Variants in CEP63 observed in about 807,000 individuals in gnomAD.
CEP63 encodes the protein centrosomal protein of 63 kDa.
Under a neutral mutation model 89.1 loss-of-function variants are expected in CEP63, and 84 were observed. The observed-to-expected ratio is 0.94, with a 90% CI of 0.79 to 1.13. CEP63 has a LOEUF of 1.13. Ranked by LOEUF, CEP63 falls within the 50% of genes most tolerant of loss-of-function variation. CEP63 has a pLI of 0.00. For synonymous variants in CEP63, 267 were observed against 272.5 expected, an observed-to-expected ratio of 0.98 and a Z score of 0.20; for missense variants, 838 against 813.3, an observed-to-expected ratio of 1.03 and a Z score of -0.37.
chr3:134,627,651 C>G, the CEP63 span: 1 of 981,456 alleles, frequency 1.0e-6, no homozygotes, highest in African/African-American at 1.6e-5. Context: ...TGGCCCCAGC[C>G]TCTCAGCATA....
rs148950396 is a variant in CEP63 at position 134,564,302 on chromosome 3, G to C, written c.*2767G>C. The C allele has an allele frequency of 2.5e-5, 25 of 985,306 alleles. No individual in the cohort carries two copies. In the African/African-American group the frequency reaches 4.4e-4, roughly 17 times the overall value. The allele number at this position is 985,306 out of a possible 1,614,324, so 61.0% of individuals were successfully genotyped here. A position where few individuals can be genotyped will look rare whatever the true frequency, so the allele number is the denominator to read the frequency against. On this transcript the variant is annotated 3_prime_UTR_variant, in exon 15 of 15. Coordinates refer to ENST00000675561, the MANE Select transcript of CEP63 (RefSeq NM_001353108.3). ...TTTCTTTTGTGTTGGTGTGCATGCTGTCCTTCAGTTTGTCTCCTCTTCCCA... is the reference window on the plus strand; with the variant it reads ...TTTCTTTTGTGTTGGTGTGCATGCTCTCCTTCAGTTTGTCTCCTCTTCCCA...
At chr3:134,502,353 A>T (rs570954848) in intron 2 of CEP63, among the ~76,000 whole-genome samples, 2 of 152,088 alleles carry the variant, frequency 1.3e-5, no homozygotes, top group East Asian at 3.9e-4. Context: ...TGAGTTAGAG[A>T]TGGATCCCTG....
In CEP63 at chr3:134,584,956, G is replaced by GTTTTTTTTTTTTTTTTTTTTTTTTTT. The variant is rs780691730; in HGVS notation, c.1207-2484_1207-2483insTTTTTTTTTTTTTTTTTTTTTTTTTT. On this transcript the variant is annotated intron_variant, in intron 10 of 10. Coordinates refer to the CEP63 transcript ENST00000683931. ...ATCCATTTCTTCTAGATTTTCTAGG[G>GTTTTTTTTTTTTTTTTTTTTTTTTTT]TTTTTTTTTTTTTTTTTTGCATGGA... 1.8e-3 allele frequency among the ~76,000 whole-genome samples: 64 copies of GTTTTTTTTTTTTTTTTTTTTTTTTTT among 35,926 alleles called. 6 individuals are homozygous for GTTTTTTTTTTTTTTTTTTTTTTTTTT. The highest frequency in any genetic ancestry group is 0.017 in the Middle Eastern group (1 of 60). 23.6% of individuals were successfully genotyped at this position (35,926 alleles called of 152,430 possible).
chr3:134,585,347 A>G (rs1277345024), intron 10 of CEP63, among the ~76,000 whole-genome samples: 1 of 152,086 alleles, frequency 6.6e-6, no homozygotes, highest in African/African-American at 2.4e-5. Flanking sequence ...TTCCCTCTAC[A>G]CACTGCTTTG....
upstream of CEP63, chr3:134,485,923 C>T (rs1250244736): frequency 7.4e-6 from 7 of 951,640 alleles, no homozygotes; most frequent in East Asian, 2.3e-4. Flanking sequence ...GCCTCCAAAA[C>T]CTAGGCCGGG....
At chr3:134,651,292 G>A in the CEP63 span, 1 of 1,188,362 alleles carries the variant, frequency 8.4e-7, no homozygotes, top group Non-Finnish European at 1.1e-6. Flanking sequence ...CCTCCCGCCC[G>A]GTGCACTTGA....
the CEP63 span, among the ~76,000 whole-genome samples, chr3:134,720,478 T>A: frequency 6.6e-6 from 1 of 152,170 alleles, no homozygotes; most frequent in Non-Finnish European, 1.5e-5. Context: ...AAAGTCTAAT[T>A]TATCTGTTTT....
the CEP63 span, among the ~76,000 whole-genome samples, chr3:134,733,306 C>T: frequency 6.6e-6 from 1 of 151,892 alleles, no homozygotes; most frequent in African/African-American, 2.4e-5. Context: ...GAAACTTACT[C>T]CAGAATGATA....
the CEP63 span, among the ~76,000 whole-genome samples, chr3:134,614,043 G>A: frequency 6.6e-6 from 1 of 152,182 alleles, no homozygotes. Flanking sequence ...CTCAGTGGCT[G>A]CCCTAGATGT....
At chr3:134,546,754 G>T (rs1165351723) in intron 8 of CEP63, among the ~76,000 whole-genome samples, 1 of 152,152 alleles carries the variant, frequency 6.6e-6, no homozygotes, top group East Asian at 1.9e-4. Flanking sequence ...TTTTTAAAGT[G>T]TTATAAAATT....
chr3:134,666,343 T>C, the CEP63 span, among the ~76,000 whole-genome samples: 3 of 152,218 alleles, frequency 2.0e-5, no homozygotes, highest in African/African-American at 4.8e-5. Context: ...CAGAGTCTGA[T>C]TCACAGGTCG....
chr3:134,500,772 C>T (rs546484631), intron 2 of CEP63, among the ~76,000 whole-genome samples: 3 of 152,280 alleles, frequency 2.0e-5, no homozygotes, highest in East Asian at 3.9e-4. Context: ...TACGTTCTCT[C>T]ATTCTGTAAG....
the CEP63 span, among the ~76,000 whole-genome samples, chr3:134,656,524 G>A: frequency 3.3e-5 from 5 of 152,200 alleles, no homozygotes; most frequent in Non-Finnish European, 5.9e-5. Context: ...CAGGTCCCAC[G>A]GTTGCCTTAG....
At chr3:134,714,910 A>G in the CEP63 span, among the ~76,000 whole-genome samples, 4 of 152,226 alleles carry the variant, frequency 2.6e-5, no homozygotes, top group Admixed American at 2.0e-4. Context: ...TGACCATAAG[A>G]CAACGGGCTA....
At chr3:134,771,416 C>A in the CEP63 span, among the ~76,000 whole-genome samples, 1 of 152,190 alleles carries the variant, frequency 6.6e-6, no homozygotes, top group Non-Finnish European at 1.5e-5. Flanking sequence ...AATGAGAACA[C>A]ATGGACACTT....
chr3:134,754,175 G>A, the CEP63 span, among the ~76,000 whole-genome samples: 13 of 152,178 alleles, frequency 8.5e-5, no homozygotes, highest in Non-Finnish European at 1.3e-4. Flanking sequence ...TCACACACAC[G>A]GTGATGGGGC....
chr3:134,767,003 G>T, the CEP63 span, among the ~76,000 whole-genome samples: 1 of 152,110 alleles, frequency 6.6e-6, no homozygotes, highest in African/African-American at 2.4e-5. Context: ...TTGTACAGAG[G>T]CTACATAGCC....
intron 6 of CEP63, among the ~76,000 whole-genome samples, chr3:134,540,246 C>A (rs1951719909): frequency 6.6e-6 from 1 of 152,102 alleles, no homozygotes; most frequent in Non-Finnish European, 1.5e-5. Context: ...TTAAATATGA[C>A]ATGTCAACAG....
At chr3:134,602,866 C>T in the CEP63 span, among the ~76,000 whole-genome samples, 1 of 152,242 alleles carries the variant, frequency 6.6e-6, no homozygotes, top group East Asian at 1.9e-4. Context: ...ATGGGCTGCT[C>T]TTTGCTTTGC....
Sources: allele counts gnomAD v4.1 joint callset (sites outside exome capture counted in the v4.1 genomes callset), GRCh38; gene constraint gnomAD v4.1.1; transcripts MANE v1.5; gene names NCBI Gene and HGNC (gene_info 2026-07-23, HGNC 2026-07-21).